Variants in G3BP2 observed in about 807,000 individuals in gnomAD.
G3BP2 encodes G3BP stress granule assembly factor 2.
G3BP2 carries 11 observed loss-of-function variants against 56.7 expected under a neutral mutation model. That is an observed-to-expected ratio of 0.19 (90% CI 0.12 to 0.32). The LOEUF is 0.32. G3BP2 is among the 10% of genes least tolerant of loss of function. G3BP2 has a pLI of 1.00. For missense variants in G3BP2, 340 were observed against 610.9 expected (o/e 0.56, Z 4.67); for synonymous variants, 165 against 191.6 (o/e 0.86, Z 1.15).
At chr4:75,711,110 A>G (rs1003600061) in intron 3 of G3BP2, among the ~76,000 whole-genome samples, 4 of 152,076 alleles carry the variant, frequency 2.6e-5, no homozygotes. Flanking sequence ...ACCTGAGGTC[A>G]GGAGTTCAAG....
At chr4:75,718,034 G>A (rs558799851) in intron 3 of G3BP2, among the ~76,000 whole-genome samples, 34 of 152,098 alleles carry the variant, frequency 2.2e-4, no homozygotes, top group African/African-American at 7.5e-4. Context: ...AGCTACTTGG[G>A]AGGCTGAGGC....
upstream of G3BP2, among the ~76,000 whole-genome samples, chr4:75,678,191 C>T (rs1347243773): frequency 6.6e-6 from 1 of 152,134 alleles, no homozygotes; most frequent in East Asian, 1.9e-4. Flanking sequence ...CTTGCTTTGT[C>T]TGTCACCTGG....
intron 2 of G3BP2, among the ~76,000 whole-genome samples, chr4:75,722,190 A>T (rs563232998): frequency 1.3e-5 from 2 of 152,110 alleles, no homozygotes; most frequent in Non-Finnish European, 2.9e-5. Flanking sequence ...TGCCTCGGGG[A>T]TCCCACCTTC....
intron 3 of G3BP2, among the ~76,000 whole-genome samples, chr4:75,711,234 T>A (rs2149108991): frequency 6.7e-6 from 1 of 150,030 alleles, no homozygotes; most frequent in South Asian, 2.1e-4. Flanking sequence ...TGGGAGAATC[T>A]CTTGAACCCA....
At chr4:75,693,842 C>T (rs1397213831) in intron 3 of G3BP2, among the ~76,000 whole-genome samples, 2 of 150,138 alleles carry the variant, frequency 1.3e-5, no homozygotes, top group Admixed American at 1.3e-4. Context: ...TCACGCAATC[C>T]TCAGGCCTTA....
intron 3 of G3BP2, among the ~76,000 whole-genome samples, chr4:75,691,300 A>T (rs1718846767): frequency 6.6e-6 from 1 of 152,106 alleles, no homozygotes; most frequent in Admixed American, 6.6e-5. Flanking sequence ...GGCTGGTCTC[A>T]AACTCCTGAC....
chr4:75,672,927 A>AT (rs1396855712), intron 1 of G3BP2: 1 of 890,370 alleles, frequency 1.1e-6, no homozygotes, highest in African/African-American at 1.8e-5. Context: ...CTCATCCCCA[A>AT]TAAACCTCAA....
At chr4:75,659,423 G>C (rs1190438724) in intron 2 of G3BP2, among the ~76,000 whole-genome samples, 2 of 152,126 alleles carry the variant, frequency 1.3e-5, no homozygotes, top group Non-Finnish European at 2.9e-5. Flanking sequence ...AAATAATTCA[G>C]AGACCAAGTC....
upstream of G3BP2, among the ~76,000 whole-genome samples, chr4:75,678,223 A>G (rs1733946934): frequency 6.6e-6 from 1 of 152,070 alleles, no homozygotes; most frequent in Admixed American, 6.6e-5. Flanking sequence ...TGGTGCGATC[A>G]TAGCTCATTG....
intron 3 of G3BP2, among the ~76,000 whole-genome samples, chr4:75,706,471 A>G (rs1340984909): frequency 6.6e-6 from 1 of 152,214 alleles, no homozygotes; most frequent in East Asian, 1.9e-4. Context: ...CCGAATGAGC[A>G]TAATGAAATC....
rs989872271 is a variant in G3BP2, at chr4:75,659,035, C to A, written c.96-111G>T. The A allele has an allele frequency of 3.6e-5, 30 of 827,564 alleles. No individual in the cohort carries two copies. The South Asian group carries it at 3.8e-4, about 11-fold the overall frequency. The allele number at this position is 827,564 out of a possible 1,614,324, so 51.3% of individuals were successfully genotyped here. ...ATCCCGCTCTGTCACTAATTAGTTG[C>A]GTGATCTTGGACAGGTAAGTTACTT... On this transcript the variant is annotated intron_variant, in intron 2 of 11. Coordinates refer to ENST00000359707, the MANE Select transcript of G3BP2 (RefSeq NM_203505.3).
At position 75,683,302 on chromosome 4, in the gene G3BP2, C is replaced by T. The variant is rs1578425922; in HGVS notation, c.-24-21253G>A. 2.6e-5 allele frequency among the ~76,000 whole-genome samples: 4 copies of T among 152,264 alleles called. 1 individual carries two copies. The highest frequency in any genetic ancestry group is 2.6e-4 in the Admixed American group (4 of 15,282). ...GTAGGCCGAGCACGGTAGCTCACAC[C>T]TGTAATCCCAGCATTTTGTGAGGCC... is the stretch of plus-strand genomic sequence containing the variant. On this transcript the variant is annotated intron_variant, in intron 3 of 3. Transcript: ENST00000499709.
chr4:75,707,185 A>C (rs1719580849), intron 3 of G3BP2, among the ~76,000 whole-genome samples: 1 of 151,744 alleles, frequency 6.6e-6, no homozygotes, highest in Non-Finnish European at 1.5e-5. Flanking sequence ...GAAAAAAAAA[A>C]AAAAAAAACA....
chr4:75,703,234 C>CT (rs1719414442), intron 3 of G3BP2, among the ~76,000 whole-genome samples: 1 of 152,122 alleles, frequency 6.6e-6, no homozygotes, highest in Non-Finnish European at 1.5e-5. Context: ...TGATCAAACA[C>CT]GAGTGTGGTG....
chr4:75,661,725 C>T (rs988069723), intron 2 of G3BP2: 17 of 509,428 alleles, frequency 3.3e-5, no homozygotes, highest in Middle Eastern at 5.4e-4. Flanking sequence ...GTGTTATGTA[C>T]CAGAATATGA....
At chr4:75,717,303 G>A (rs1312816062) in intron 3 of G3BP2, among the ~76,000 whole-genome samples, 2 of 152,172 alleles carry the variant, frequency 1.3e-5, no homozygotes, top group African/African-American at 4.8e-5. Context: ...AGCTGGGTGT[G>A]GTAGTGCACA....
At chr4:75,689,342 C>G (rs886270613) in intron 3 of G3BP2, among the ~76,000 whole-genome samples, 1 of 151,432 alleles carries the variant, frequency 6.6e-6, no homozygotes, top group Non-Finnish European at 1.5e-5. Context: ...CGCCACTGCA[C>G]TCCAGCCTGG....
rs879168472 is a variant in G3BP2, at chr4:75,662,092, TG to T, written c.-24-44del. On this transcript the variant is annotated intron_variant, in intron 1 of 11. Transcript: ENST00000359707. Reference sequence around the variant, plus strand: ...AGAATAACTATTAAAAAGTCATCTTTGTCATCAACCACCATGAAATAAATTT... The same window carrying T: ...AGAATAACTATTAAAAAGTCATCTTTTCATCAACCACCATGAAATAAATTT... The T allele has an allele frequency of 1.1e-5, 12 of 1,097,330 alleles. 1 individual carries two copies. In the South Asian group the frequency reaches 1.6e-4, roughly 15 times the overall value. 68.0% of individuals were successfully genotyped at this position (1,097,330 alleles called of 1,614,324 possible).
intron 5 of G3BP2, 59 bp from the exon 6 acceptor site, chr4:75,655,929 A>AT: frequency 1.1e-6 from 1 of 910,442 alleles, no homozygotes; most frequent in Non-Finnish European, 1.8e-6. Context: ...TCTAACGGAC[A>AT]TATTTTTAAC....
Sources: allele counts gnomAD v4.1 joint callset (sites outside exome capture counted in the v4.1 genomes callset), GRCh38; gene constraint gnomAD v4.1.1; transcripts MANE v1.5; gene names NCBI Gene and HGNC (gene_info 2026-07-23, HGNC 2026-07-21).